Variants in TONSL observed in about 807,000 individuals in gnomAD.
TONSL encodes tonsoku-like protein.
In TONSL, 112 loss-of-function variants were observed where a neutral mutation model predicts 147.1. The ratio of observed to expected loss-of-function variants is 0.76; its 90% CI spans 0.65 to 0.89. The LOEUF is 0.89. Among genes scored for constraint, TONSL ranks in the 40% least tolerant of loss-of-function variants. The probability of loss-of-function intolerance (pLI) is 0.00; values close to 1 mark genes in which losing one functional copy is unlikely to be tolerated. For missense variants in TONSL, 1,883 were observed against 1,864.6 expected, an observed-to-expected ratio of 1.01 and a Z score of -0.18; for synonymous variants, 868 against 801.5, an observed-to-expected ratio of 1.08 and a Z score of -1.40.
intron 23 of TONSL, among the ~76,000 whole-genome samples, chr8:144,431,849 A>C (rs1554878736): frequency 4.0e-5 from 4 of 100,448 alleles, no homozygotes; most frequent in Non-Finnish European, 7.8e-5. Flanking sequence ...TTTTTTTTTG[A>C]GACGGAATCT....
intron 13 of TONSL, among the ~76,000 whole-genome samples, chr8:144,437,348 T>C (rs1289536639): frequency 6.6e-6 from 1 of 152,216 alleles, no homozygotes; most frequent in Non-Finnish European, 1.5e-5. Context: ...GGGGAGACAG[T>C]GCACCTGGTC....
chr8:144,439,305 GC>G (rs1823610204), intron 11 of TONSL, among the ~76,000 whole-genome samples: 1 of 152,058 alleles, frequency 6.6e-6, no homozygotes, highest in African/African-American at 2.4e-5. Context: ...TCCTCACTGT[GC>G]CCACCAGCTG....
intron 25 of TONSL, 32 bp downstream of exon 25, chr8:144,430,372 A>G (rs781896431): frequency 6.5e-7 from 1 of 1,543,304 alleles, no homozygotes; most frequent in Non-Finnish European, 8.7e-7. Flanking sequence ...AAGGCCGAAC[A>G]TGGCAGGCGT....
Position 144,438,653 on chromosome 8 carries a change from C to T in TONSL, c.1563G>A (p.Lys521=). 13 of 1,613,072 alleles carry T rather than the reference C, an allele frequency of 8.1e-6. No homozygotes were observed. The highest frequency in any genetic ancestry group is 1.0e-5 in the Non-Finnish European group (12 of 1,179,928). Residue 521 remains lysine (K), a splice_region_variant and synonymous_variant, in exon 12 of 26, where the codon AAG becomes AAA. Transcript: ENST00000409379. ...QGHLGRRKGS[K]WNRRNDMGET... is the part of the protein sequence containing the mutation. ...GGTGGGGGCAGGGCACTGTCCTCACCTTGCTCCCCTTCCGCCGGCCCAGGT... is the reference window on the plus strand; with the variant it reads ...GGTGGGGGCAGGGCACTGTCCTCACTTTGCTCCCCTTCCGCCGGCCCAGGT...
rs370703257 is a variant in TONSL at position 144,438,622 on chromosome 8, G to T, written c.1563+31C>A. ...TGAGGAGCTGGCAGGGCTGCTGAGC[G>T]GGGTGGGTGGGGGCAGGGCACTGTC... On this transcript the variant is annotated intron_variant, in intron 12 of 25. Coordinates refer to ENST00000409379, the MANE Select transcript of TONSL (RefSeq NM_013432.5). 4 of 1,612,524 alleles carry T rather than the reference G, an allele frequency of 2.5e-6. No individual in the cohort carries two copies. The East Asian group carries it at 6.7e-5, about 27-fold the overall frequency.
chr8:144,442,657 G>A lies in TONSL; in HGVS notation c.578+20C>T. ...GGAACAAGGGACTCCACTCCCTCCT[G>A]GGGCGGGGCAGGGCCTTACTCCGCA... On this transcript the variant is annotated intron_variant, in intron 5 of 25. Transcript: ENST00000409379. 4 of 1,607,954 alleles carry A rather than the reference G, an allele frequency of 2.5e-6. No individual in the cohort carries two copies. Among genetic ancestry groups the A allele is most frequent in the Non-Finnish European group, 3.4e-6 (4 of 1,177,554 alleles).
chr8:144,434,049 A>G lies in TONSL; in HGVS notation c.3316T>C (p.Ser1106Pro). The G allele has an allele frequency of 6.2e-7, 1 of 1,611,272 alleles. No individual in the cohort carries two copies. The highest frequency in any genetic ancestry group is 8.5e-7 in the Non-Finnish European group (1 of 1,178,906). Residue 1106 changes from serine (S) to proline (P), a missense_variant, in exon 21 of 26, where the codon TCC (serine) becomes CCC (proline). Coordinates refer to ENST00000409379, the MANE Select transcript of TONSL (RefSeq NM_013432.5). The stretch of plus-strand genomic sequence containing the variant: ...CCTTCGGGACCCAGGTGATTGGAGG[A>G]GAGGTCAAGGAGGGCCAGGCTGGGC... The part of the protein sequence containing the change: ...TMPSLALLDL[S>P]SNHLGPEGLR...
rs1333991257 is a variant in TONSL, at chr8:144,436,555, T to C, written c.2014+3A>G. The C allele has an allele frequency of 1.2e-6, 2 of 1,609,394 alleles. No homozygotes were observed. The highest frequency in any genetic ancestry group is 2.2e-5 in the East Asian group (1 of 44,872). ...CCCCAGGGACAAGGGACGCCCTGCT[T>C]GCCTTGGCCCGAGGCAGCCGCCTGG... On this transcript the variant is annotated splice_donor_region_variant and intron_variant, in intron 16 of 25. Transcript: ENST00000409379.
In TONSL at chr8:144,444,269, C is replaced by A; in HGVS notation, c.32G>T (p.Ser11Ile). 1 of 1,447,576 alleles carries A rather than the reference C, an allele frequency of 6.9e-7. No homozygotes were observed. The highest frequency in any genetic ancestry group is 9.1e-7 in the Non-Finnish European group (1 of 1,101,022). 89.7% of individuals were successfully genotyped at this position (1,447,576 alleles called of 1,614,324 possible). ...CCTCTGCGCCTTGGCTTTCGCCTTG[C>A]TCAGCTCTGTGGGAGGAAGAGGAGG... MSLERELRQL[S>I]KAKAKAQRAG... The change falls in exon 2 of 26, where the codon AGC becomes ATC. Residue 11 changes from serine (S) to isoleucine (I), a missense_variant. Transcript: ENST00000409379.
At position 144,438,700 on chromosome 8, in the gene TONSL, C is replaced by T. The variant is rs1221264083; in HGVS notation, c.1516G>A (p.Glu506Lys). The T allele has an allele frequency of 9.9e-6, 16 of 1,613,320 alleles. No homozygotes were observed. Among genetic ancestry groups the T allele is most frequent in the Non-Finnish European group, 1.4e-5 (16 of 1,179,960 alleles). ...AGGTGGCCCTGAAGCTCCTCGTCCT[C>T]CTCCAGCTGCGGGGTCAGGCCATCG... ...DTDGLTPQLE[E>K]DEELQGHLGR... Residue 506 changes from glutamate (E) to lysine (K), a missense_variant, in exon 12 of 26, where the codon GAG becomes AAG. Physicochemically the swap from Glu to Lys is moderately conservative, Grantham distance 56. Coordinates refer to ENST00000409379, the MANE Select transcript of TONSL (RefSeq NM_013432.5).
At position 144,438,698 on chromosome 8, in the gene TONSL, C is replaced by T. The variant is rs905673833; in HGVS notation, c.1518G>A (p.Glu506=). 26 of 1,613,316 alleles carry T rather than the reference C, an allele frequency of 1.6e-5. No individual in the cohort carries two copies. The highest frequency in any genetic ancestry group is 2.2e-5 in the Non-Finnish European group (26 of 1,179,966). The change falls in exon 12 of 26, where the codon GAG becomes GAA. Residue 506 remains glutamate, a synonymous_variant. Coordinates refer to ENST00000409379, the MANE Select transcript of TONSL (RefSeq NM_013432.5). The stretch of plus-strand genomic sequence containing the variant: ...CCAGGTGGCCCTGAAGCTCCTCGTC[C>T]TCCTCCAGCTGCGGGGTCAGGCCAT... ...DTDGLTPQLE[E]DEELQGHLGR... is the part of the protein sequence containing the mutation.
In TONSL at chr8:144,440,983, C is replaced by G. The variant is rs1401572179; in HGVS notation, c.994G>C (p.Glu332Gln). 2 of 1,613,196 alleles carry G rather than the reference C, an allele frequency of 1.2e-6. No individual in the cohort carries two copies. Among genetic ancestry groups the G allele is most frequent in the Non-Finnish European group, 1.7e-6 (2 of 1,179,994 alleles). Residue 332 changes from glutamate to glutamine, a missense_variant, in exon 8 of 26, where the codon GAG becomes CAG. Physicochemically the swap from Glu to Gln is conservative, Grantham distance 29. Transcript: ENST00000409379. ...SKAGDFPRAA[E>Q]AYQKQLRFAE... ...CCACACACCTGCTTCTGGTAAGCCT[C>G]AGCTGCCCTGGGAAAGTCTCCTGCC...
intron 3 of TONSL, among the ~76,000 whole-genome samples, 155 bp downstream of exon 3, chr8:144,443,727 C>A (rs913507293): frequency 6.6e-6 from 1 of 152,246 alleles, no homozygotes; most frequent in Non-Finnish European, 1.5e-5. Context: ...GGGGTCCCCA[C>A]CGGAGGACTG....
chr8:144,437,192 CT>C, intron 13 of TONSL, 93 bp from the exon 14 acceptor site: 1 of 1,324,278 alleles, frequency 7.6e-7, no homozygotes, highest in Non-Finnish European at 1.1e-6. Context: ...AGCCCAGGGC[CT>C]CAGTCTTAGA....
intron 18 of TONSL, 82 bp from the exon 19 acceptor site, chr8:144,435,252 C>T: frequency 7.0e-7 from 1 of 1,428,914 alleles, no homozygotes; most frequent in Non-Finnish European, 9.2e-7. Context: ...TGCCCAGGGC[C>T]AGAAGCCCCC....
rs776344826 is a variant in TONSL, at chr8:144,436,044, G to A, written c.2389C>T (p.Arg797Trp). 2.8e-5 allele frequency: 44 copies of A among 1,573,918 alleles called. No individual in the cohort carries two copies. Among genetic ancestry groups the A allele is most frequent in the Middle Eastern group, 1.7e-4 (1 of 5,976 alleles). ...CGGCTCTGAGCACTGCCCACACCCC[G>A]GATGGCTGCCTGGTAGGCTGCCCGG... ...TSRAAYQAAIRGVGSAQSRLG... is the reference protein window; with the variant it reads ...TSRAAYQAAIWGVGSAQSRLG... The change falls in exon 17 of 26, where the codon CGG becomes TGG. Residue 797 changes from arginine to tryptophan, a missense_variant. By Grantham distance (101) the Arg-to-Trp change is moderately radical (BLOSUM62 -3). Transcript: ENST00000409379.
chr8:144,439,224 C>T (rs1024906861), intron 11 of TONSL, among the ~76,000 whole-genome samples: 7 of 152,162 alleles, frequency 4.6e-5, no homozygotes, highest in Admixed American at 2.0e-4. Context: ...CCGCCTCCGT[C>T]CCTGCTTCGG....
In TONSL at chr8:144,442,377, C is replaced by T. The variant is rs372177711; in HGVS notation, c.614G>A (p.Arg205His). ...NHLYEDLFRA[R>H]YNLGTIHWRA... ...CCAGTGGATGGTGCCCAGGTTGTAG[C>T]GGGCGCGGAATAGGTCCTCGTAAAG... is the stretch of plus-strand genomic sequence containing the variant. Residue 205 changes from arginine to histidine, a missense_variant, in exon 6 of 26, where the codon CGC becomes CAC. Physicochemically the swap from Arg to His is conservative, Grantham distance 29 (BLOSUM62 0). Coordinates refer to ENST00000409379, the MANE Select transcript of TONSL (RefSeq NM_013432.5). The T allele has an allele frequency of 2.5e-5, 40 of 1,575,438 alleles. No individual in the cohort carries two copies. Among genetic ancestry groups the T allele is most frequent in the Middle Eastern group, 3.4e-4 (2 of 5,938 alleles).
chr8:144,441,148 G>A (rs764708235), intron 7 of TONSL, 37 bp from the exon 8 acceptor site: 10 of 1,606,526 alleles, frequency 6.2e-6, no homozygotes, highest in Middle Eastern at 1.8e-4. Flanking sequence ...GGCAGCACAG[G>A]GGGCCCTGAC....
Sources: gnomAD v4.1 joint callset for allele counts (sites outside exome capture counted in the v4.1 genomes callset) on GRCh38, gnomAD v4.1.1 for gene constraint, MANE v1.5 for transcripts, NCBI Gene and HGNC (gene_info 2026-07-23, HGNC 2026-07-21) for gene names.